PDZRN4: variants seen among roughly 807,000 people sequenced by gnomAD.
PDZRN4 encodes PDZ domain containing ring finger 4.
In PDZRN4, 70 loss-of-function variants were observed where a neutral mutation model predicts 99.0. The ratio of observed to expected loss-of-function variants is 0.71; its 90% confidence interval spans 0.58 to 0.86. PDZRN4 has a LOEUF of 0.86. Among genes scored for constraint, PDZRN4 ranks in the 40% least tolerant of loss-of-function variants. The pLI is 0.00. For synonymous variants in PDZRN4, 551 were observed against 501.6 expected, an observed-to-expected ratio of 1.10 and a Z score of -1.32; for missense variants, 1,474 against 1,331.2, an observed-to-expected ratio of 1.11 and a Z score of -1.67.
chr12:41,367,220 A>G (rs1332500740), intron 3 of PDZRN4, among the ~76,000 whole-genome samples: 1 of 152,056 alleles, frequency 6.6e-6, no homozygotes, highest in Non-Finnish European at 1.5e-5. Context: ...TAGAAATGTT[A>G]TGTTTCCAGC....
intron 3 of PDZRN4, among the ~76,000 whole-genome samples, chr12:41,368,513 C>T (rs1952018390): frequency 1.3e-5 from 2 of 152,008 alleles, no homozygotes; most frequent in South Asian, 4.1e-4. Context: ...TATACACGCA[C>T]ATACACACAC....
At chr12:41,460,080 C>T in intron 3 of PDZRN4, 1 of 1,282,446 alleles carries the variant, frequency 7.8e-7, no homozygotes, top group Non-Finnish European at 1.0e-6. Context: ...GGTAAATTTT[C>T]CCTATTTATA....
chr12:41,527,976 T>A (rs990614088), intron 5 of PDZRN4, among the ~76,000 whole-genome samples: 2 of 152,216 alleles, frequency 1.3e-5, no homozygotes, highest in Admixed American at 6.5e-5. Context: ...AAGAGGCTAC[T>A]TTCATTAGGC....
chr12:41,505,630 A>G (rs543334107), intron 3 of PDZRN4, among the ~76,000 whole-genome samples: 2 of 152,282 alleles, frequency 1.3e-5, no homozygotes, highest in East Asian at 1.9e-4. Flanking sequence ...CCCAAATGCC[A>G]ATGGTTTCTG....
At position 41,209,597 on chromosome 12, in the gene PDZRN4, T is replaced by C. The variant is rs1196551075; in HGVS notation, c.843+15409T>C. 4.0e-5 allele frequency among the ~76,000 whole-genome samples: 6 copies of C among 149,916 alleles called. No homozygotes were observed. In the Admixed American group the frequency reaches 4.0e-4, roughly 10 times the overall value. ...CACCTATGAGTGAGAACATGTGGTG[T>C]TTGGTTTTTTGTCCTTGCGATAGTT... On this transcript the variant is annotated intron_variant, in intron 3 of 9. Coordinates refer to ENST00000402685, the MANE Select transcript of PDZRN4 (RefSeq NM_001164595.2).
At chr12:41,452,875 G>C (rs1952786836) in intron 3 of PDZRN4, among the ~76,000 whole-genome samples, 1 of 152,072 alleles carries the variant, frequency 6.6e-6, no homozygotes, top group Non-Finnish European at 1.5e-5. Flanking sequence ...TAGGTTAAGT[G>C]GCCCCAGAAA....
At chr12:41,328,282 A>G (rs945014339) in intron 3 of PDZRN4, among the ~76,000 whole-genome samples, 1 of 152,188 alleles carries the variant, frequency 6.6e-6, no homozygotes, top group African/African-American at 2.4e-5. Context: ...AAATGTGTCC[A>G]GAAAAATATA....
intron 3 of PDZRN4, among the ~76,000 whole-genome samples, chr12:41,273,384 A>G (rs1315854533): frequency 6.6e-6 from 1 of 152,028 alleles, no homozygotes; most frequent in African/African-American, 2.4e-5. Context: ...CATTATAACC[A>G]AATCTGAAAA....
At chr12:41,397,977 C>T (rs1952262006) in intron 3 of PDZRN4, among the ~76,000 whole-genome samples, 2 of 152,020 alleles carry the variant, frequency 1.3e-5, no homozygotes, top group Non-Finnish European at 1.5e-5. Flanking sequence ...AAGTTCAAAT[C>T]TGAACTTTGC....
chr12:41,543,090 C>A (rs1241503001), intron 5 of PDZRN4, among the ~76,000 whole-genome samples: 1 of 152,172 alleles, frequency 6.6e-6, no homozygotes, highest in African/African-American at 2.4e-5. Context: ...AAACCCTCTT[C>A]ATGGTAGCCA....
intron 3 of PDZRN4, among the ~76,000 whole-genome samples, chr12:41,411,025 C>T (rs1187096236): frequency 1.3e-5 from 2 of 150,756 alleles, no homozygotes; most frequent in African/African-American, 2.4e-5. Context: ...ACCACAGGCA[C>T]GTGCCACCAC....
chr12:41,325,440 T>C (rs1324115847), intron 3 of PDZRN4, among the ~76,000 whole-genome samples: 3 of 152,190 alleles, frequency 2.0e-5, no homozygotes, highest in Non-Finnish European at 4.4e-5. Flanking sequence ...AGAAATAGTA[T>C]AATAATCAAT....
intron 3 of PDZRN4, among the ~76,000 whole-genome samples, chr12:41,440,193 T>C (rs2733273): frequency 0.21 from 31,572 of 152,086 alleles, 3,630 homozygotes; most frequent in Non-Finnish European, 0.26. Flanking sequence ...TAACACCTGA[T>C]TGCCCAAATC....
intron 5 of PDZRN4, among the ~76,000 whole-genome samples, chr12:41,510,427 T>C (rs1299622277): frequency 6.6e-6 from 1 of 152,158 alleles, no homozygotes; most frequent in Non-Finnish European, 1.5e-5. Flanking sequence ...TAAACTATAT[T>C]TATTCTTCAC....
intron 3 of PDZRN4, among the ~76,000 whole-genome samples, chr12:41,242,746 A>G (rs1468465723): frequency 6.6e-6 from 1 of 152,094 alleles, no homozygotes; most frequent in Non-Finnish European, 1.5e-5. Flanking sequence ...GTTAGATAAA[A>G]CTGCTGCTGC....
At position 41,228,992 on chromosome 12, in the gene PDZRN4, C is replaced by T. The variant is rs566410315; in HGVS notation, c.843+34804C>T. On this transcript the variant is annotated intron_variant, in intron 3 of 9. Transcript: ENST00000402685. ...TTCTTAAAGAATTCTGAAGATATGA[C>T]ATCCTTTTTTCCAAAAATATAAATT... Among the ~76,000 whole-genome samples, 136 of 151,990 alleles carry T rather than the reference C, an allele frequency of 8.9e-4. 2 individuals carry two copies. The highest frequency in any genetic ancestry group is 3.0e-3 in the African/African-American group (126 of 41,518).
chr12:41,392,176 G>T (rs1278601641), intron 3 of PDZRN4, among the ~76,000 whole-genome samples: 3 of 151,946 alleles, frequency 2.0e-5, no homozygotes, highest in African/African-American at 7.3e-5. Flanking sequence ...TAAAATAAAG[G>T]CTTTGGTTCC....
intron 5 of PDZRN4, 45 bp from the exon 6 acceptor site, chr12:41,552,611 T>C (rs1939077111): frequency 6.8e-7 from 1 of 1,465,704 alleles, no homozygotes; most frequent in South Asian, 1.1e-5. Flanking sequence ...CTGTTGCAGA[T>C]TTTCTCTCTG....
intron 3 of PDZRN4, among the ~76,000 whole-genome samples, chr12:41,482,682 A>G (rs1432699958): frequency 6.6e-6 from 1 of 152,194 alleles, no homozygotes; most frequent in Non-Finnish European, 1.5e-5. Context: ...AGTCCGTTTT[A>G]TAAGGCTAAG....
Sources: gnomAD v4.1 joint callset for allele counts (sites outside exome capture counted in the v4.1 genomes callset) on GRCh38, gnomAD v4.1.1 for gene constraint, MANE v1.5 for transcripts, NCBI Gene and HGNC (gene_info 2026-07-23, HGNC 2026-07-21) for gene names.